Variants in NALF1 observed in about 807,000 individuals in gnomAD.
NALF1 encodes NALCN channel auxiliary factor 1, also known as family with sequence similarity 155 member A.
Under a neutral mutation model 48.4 loss-of-function variants are expected in NALF1, and 3 were observed. The ratio of observed to expected loss-of-function variants is 0.06; its 90% CI spans 0.03 to 0.16. The LOEUF is 0.16. NALF1 is among the 10% of genes least tolerant of loss of function. The pLI, the probability that NALF1 is intolerant of heterozygous loss-of-function variation, is 1.00. For missense variants in NALF1, 526 were observed against 571.5 expected, an observed-to-expected ratio of 0.92 and a Z score of 0.81; for synonymous variants, 262 against 245.7, an observed-to-expected ratio of 1.07 and a Z score of -0.62.
At chr13:107,591,323 T>C (rs1181840584) in intron 1 of NALF1, among the ~76,000 whole-genome samples, 1 of 152,014 alleles carries the variant, frequency 6.6e-6, no homozygotes, top group African/African-American at 2.4e-5. Flanking sequence ...CCAAGTTTAA[T>C]ACGTATTCTG....
At chr13:107,824,095 T>C (rs912260262) in intron 1 of NALF1, among the ~76,000 whole-genome samples, 5 of 152,122 alleles carry the variant, frequency 3.3e-5, no homozygotes, top group African/African-American at 1.2e-4. Context: ...TTTCAATAAA[T>C]GTTTGTTGAA....
chr13:107,189,917 G>A (rs966513519), intron 2 of NALF1, among the ~76,000 whole-genome samples: 4 of 152,206 alleles, frequency 2.6e-5, no homozygotes, highest in Admixed American at 6.5e-5. Context: ...GTGTCTTCGT[G>A]TTGAGTGCTA....
intron 1 of NALF1, among the ~76,000 whole-genome samples, chr13:107,523,156 G>A (rs77495249): frequency 0.044 from 6,634 of 152,074 alleles, 239 homozygotes; most frequent in East Asian, 0.1. Context: ...TCCAGGAAAT[G>A]GTACTGGATA....
intron 1 of NALF1, among the ~76,000 whole-genome samples, chr13:107,593,847 G>C (rs191571602): frequency 6.0e-5 from 9 of 150,944 alleles, no homozygotes; most frequent in South Asian, 2.1e-4. Context: ...ACGGAAACTT[G>C]TATTTGTTTA....
At chr13:107,702,216 G>A (rs935768716) in intron 1 of NALF1, among the ~76,000 whole-genome samples, 7 of 151,584 alleles carry the variant, frequency 4.6e-5, no homozygotes, top group Non-Finnish European at 8.8e-5. Context: ...TGACATTAGC[G>A]AATTTATTAA....
At chr13:107,805,454 A>G (rs1213003010) in intron 1 of NALF1, among the ~76,000 whole-genome samples, 3 of 152,094 alleles carry the variant, frequency 2.0e-5, no homozygotes, top group Non-Finnish European at 4.4e-5. Flanking sequence ...GTCCAAGATA[A>G]TTTTACTCCT....
At chr13:107,591,992 T>C (rs946976449) in intron 1 of NALF1, among the ~76,000 whole-genome samples, 3 of 151,968 alleles carry the variant, frequency 2.0e-5, no homozygotes, top group Admixed American at 6.6e-5. Flanking sequence ...GATGACACTT[T>C]CTAATGATTT....
intron 1 of NALF1, among the ~76,000 whole-genome samples, chr13:107,689,104 T>C (rs1220685380): frequency 6.6e-6 from 1 of 152,166 alleles, no homozygotes; most frequent in Non-Finnish European, 1.5e-5. Flanking sequence ...ATTTTTTGTA[T>C]TCCCCTTGTC....
In NALF1 at chr13:107,866,202, G is replaced by C. The variant is rs761499834; in HGVS notation, c.395C>G (p.Pro132Arg). Residue 132 changes from proline (P) to arginine (R), a missense_variant, in exon 1 of 3, where the codon CCC becomes CGC. Physicochemically the swap from Pro to Arg is moderately radical, Grantham distance 103. Coordinates refer to ENST00000375915, the MANE Select transcript of NALF1 (RefSeq NM_001080396.3). This position sits in a 1 kb window ranked among gnomAD's most constrained non-coding sequence, Gnocchi z 4.4. ...LLSASSSPTL[P>R]PSPGDGGGGG... ...GCCGCCGCCGTCTCCCGGGGAGGGG[G>C]GCAGGGTGGGGGACGAGGAGGCGGA... The C allele has an allele frequency of 6.2e-7, 1 of 1,601,528 alleles. No individual in the cohort carries two copies. The highest frequency in any genetic ancestry group is 1.3e-5 in the African/African-American group (1 of 74,728).
intron 1 of NALF1, among the ~76,000 whole-genome samples, chr13:107,359,648 C>T (rs1883026248): frequency 7.1e-6 from 1 of 141,824 alleles, no homozygotes; most frequent in Admixed American, 7.0e-5. Context: ...TTTGCTTTCT[C>T]AGTGGCAATT....
chr13:107,482,543 A>G (rs919731370), intron 1 of NALF1, among the ~76,000 whole-genome samples: 1 of 152,202 alleles, frequency 6.6e-6, no homozygotes, highest in Non-Finnish European at 1.5e-5. Flanking sequence ...AGAAACTGCA[A>G]TAACTGCTAT....
chr13:107,533,310 A>G (rs188002671), intron 1 of NALF1, among the ~76,000 whole-genome samples: 17 of 152,246 alleles, frequency 1.1e-4, no homozygotes, highest in African/African-American at 4.1e-4. Context: ...TCCAAAATTC[A>G]TGTTAAAACC....
intron 2 of NALF1, among the ~76,000 whole-genome samples, chr13:107,184,923 G>C (rs1465672498): frequency 6.6e-6 from 1 of 152,130 alleles, no homozygotes. Flanking sequence ...TGGAAATAGG[G>C]TCTTTACAGA....
intron 1 of NALF1, among the ~76,000 whole-genome samples, chr13:107,847,508 C>T (rs187089716): frequency 7.9e-5 from 12 of 152,310 alleles, no homozygotes; most frequent in African/African-American, 2.9e-4. Context: ...CTCGTGATGA[C>T]ATTACATAAG....
intron 1 of NALF1, among the ~76,000 whole-genome samples, chr13:107,739,409 A>C (rs1876564121): frequency 6.8e-6 from 1 of 147,968 alleles, no homozygotes; most frequent in South Asian, 2.1e-4. Context: ...CATATGTATA[A>C]ATTCATATAT....
At chr13:107,178,042 C>T (rs750056967) in intron 2 of NALF1, among the ~76,000 whole-genome samples, 2 of 150,422 alleles carry the variant, frequency 1.3e-5, no homozygotes, top group Non-Finnish European at 3.0e-5. Flanking sequence ...GCAAGACTGT[C>T]TCAAAAAAAA....
intron 1 of NALF1, among the ~76,000 whole-genome samples, chr13:107,662,681 A>T (rs1162207564): frequency 6.6e-6 from 1 of 152,206 alleles, no homozygotes; most frequent in Non-Finnish European, 1.5e-5. Context: ...TTATAATTTT[A>T]AAGATTCAAA....
rs1477113614 is a variant in NALF1, at chr13:107,867,204, C to G, written c.-608G>C. ...TTCTCCTTCTTCTTCTCCTCCGCCT[C>G]CCGCTCCTGCTCCGCGCTGGCTCTC... On this transcript the variant is annotated 5_prime_UTR_variant, in exon 1 of 3. Coordinates refer to ENST00000375915, the MANE Select transcript of NALF1 (RefSeq NM_001080396.3). This position sits in a 1 kb window ranked among gnomAD's most constrained non-coding sequence, Gnocchi z 4.4. Among the ~76,000 whole-genome samples the G allele has an allele frequency of 1.3e-5, 2 of 151,862 alleles. No homozygotes were observed. The highest frequency in any genetic ancestry group is 3.9e-4 in the East Asian group (2 of 5,112).
At chr13:107,577,124 G>A (rs1177750154) in intron 1 of NALF1, among the ~76,000 whole-genome samples, 1 of 152,180 alleles carries the variant, frequency 6.6e-6, no homozygotes, top group Non-Finnish European at 1.5e-5. Context: ...ATATTTTGGA[G>A]TCCAGGTTAG....
Sources: allele counts gnomAD v4.1 joint callset (sites outside exome capture counted in the v4.1 genomes callset), GRCh38; gene constraint gnomAD v4.1.1; non-coding constraint Gnocchi (gnomAD v3.1); transcripts MANE v1.5; gene names NCBI Gene and HGNC (gene_info 2026-07-23, HGNC 2026-07-21).